Variants in LMNA observed in about 807,000 individuals in gnomAD.
LMNA encodes the protein lamin.
LMNA carries 20 observed loss-of-function variants against 70.4 expected under a neutral mutation model. The ratio of observed to expected loss-of-function variants is 0.28; its 90% confidence interval spans 0.20 to 0.41. The LOEUF is 0.41. Ranked by LOEUF, LMNA falls within the 10% of genes least tolerant of loss-of-function variation. LMNA has a pLI of 1.00. For synonymous variants in LMNA, 339 were observed against 372.8 expected, an observed-to-expected ratio of 0.91 and a Z score of 1.04; for missense variants, 652 against 917.2, an observed-to-expected ratio of 0.71 and a Z score of 3.73.
At chr1:156,092,946 T>C (rs1197627723) in intron 3 of LMNA, among the ~76,000 whole-genome samples, 1 of 150,356 alleles carries the variant, frequency 6.7e-6, no homozygotes, top group African/African-American at 2.4e-5. Context: ...TGGAGTGCAG[T>C]GGTGCGATCT....
intron 3 of LMNA, among the ~76,000 whole-genome samples, chr1:156,106,232 G>A (rs1001868680): frequency 6.6e-6 from 1 of 152,188 alleles, no homozygotes; most frequent in Non-Finnish European, 1.5e-5. Context: ...CAAACATTTG[G>A]CCCACACTGG....
intron 1 of LMNA, among the ~76,000 whole-genome samples, chr1:156,117,079 A>ATTTTTTTTTTTTT (rs150049994): frequency 8.9e-6 from 1 of 112,670 alleles, no homozygotes; most frequent in African/African-American, 3.4e-5. Context: ...ACACATGGCT[A>ATTTTTTTTTTTTT]TTTTTTTTTT....
At chr1:156,104,640 C>T (rs1649258314) in intron 3 of LMNA, among the ~76,000 whole-genome samples, 1 of 152,134 alleles carries the variant, frequency 6.6e-6, no homozygotes. Flanking sequence ...TGAGGTCCCA[C>T]CCCCTAAGCC....
rs550222642 is a variant in LMNA at position 156,090,294 on chromosome 1, A to G, written c.-318-177A>G. 4.6e-5 allele frequency among the ~76,000 whole-genome samples: 7 copies of G among 152,268 alleles called. No individual in the cohort carries two copies. The South Asian group carries it at 8.3e-4, about 18-fold the overall frequency. On this transcript the variant is annotated intron_variant, in intron 2 of 12. Coordinates refer to the LMNA transcript ENST00000368301. Reference sequence around the variant, plus strand: ...AGTTCATCAGTTACCTAATGCACTCATTTTACAGAGGAGACTGAGGCCCAG... The same window carrying G: ...AGTTCATCAGTTACCTAATGCACTCGTTTTACAGAGGAGACTGAGGCCCAG...
chr1:156,108,748 G>A (rs766772971), intron 3 of LMNA, among the ~76,000 whole-genome samples: 5 of 151,824 alleles, frequency 3.3e-5, no homozygotes, highest in African/African-American at 4.8e-5. Flanking sequence ...CCCAGGCAAC[G>A]GGCGAAACTC....
chr1:156,131,106 C>T (rs1651026590), intron 2 of LMNA, among the ~76,000 whole-genome samples: 1 of 152,028 alleles, frequency 6.6e-6, no homozygotes, highest in African/African-American at 2.4e-5. Flanking sequence ...CCCGTCTCTA[C>T]TAAAAATACA....
rs1651935991 is a variant in LMNA, at chr1:156,139,519, G to A, written c.*413G>A. 3 of 1,347,632 alleles carry A rather than the reference G, an allele frequency of 2.2e-6. No homozygotes were observed. Among genetic ancestry groups the A allele is most frequent in the Non-Finnish European group, 2.9e-6 (3 of 1,052,214 alleles). 83.5% of individuals were successfully genotyped at this position (1,347,632 alleles called of 1,614,324 possible). A position where few individuals can be genotyped will look rare whatever the true frequency, so the allele number is the denominator to read the frequency against. On this transcript the variant is annotated 3_prime_UTR_variant, in exon 12 of 12. Transcript: ENST00000368300. ...GACCCTGTGACATGGTGCCTGAGAG[G>A]CAGGCATAGAGGCTTCTCCGCCAGC...
At chr1:156,126,879 C>A (rs1045277837) in intron 1 of LMNA, 21 of 1,611,414 alleles carry the variant, frequency 1.3e-5, no homozygotes, top group East Asian at 2.2e-5. Flanking sequence ...CAGCACCCGG[C>A]CTGGGGCAGG....
intron 3 of LMNA, among the ~76,000 whole-genome samples, chr1:156,108,680 C>T (rs1295718542): frequency 3.9e-5 from 6 of 151,912 alleles, no homozygotes; most frequent in African/African-American, 1.2e-4. Flanking sequence ...GCAGGAGAAT[C>T]GCTTGAATTC....
intron 3 of LMNA, among the ~76,000 whole-genome samples, chr1:156,095,709 C>T (rs1648914503): frequency 6.6e-6 from 1 of 152,134 alleles, no homozygotes; most frequent in South Asian, 2.1e-4. Context: ...TTCCAGCTCC[C>T]CCAGGAGTCT....
In LMNA at chr1:156,137,167, A is replaced by T; in HGVS notation, c.1543A>T (p.Lys515Ter). 1 of 1,611,946 alleles carries T rather than the reference A, an allele frequency of 6.2e-7. No individual in the cohort carries two copies. The highest frequency in any genetic ancestry group is 1.1e-5 in the South Asian group (1 of 90,732). The change falls in exon 9 of 12, where the codon AAG becomes TAG. Residue 515 changes from lysine to a stop codon, truncating the protein, a stop_gained. Coordinates refer to ENST00000368300, the MANE Select transcript of LMNA (RefSeq NM_170707.4). LOFTEE classifies it high-confidence loss of function. The surrounding 1 kb of genome is among the most constrained non-coding windows in gnomAD (Gnocchi z 4.6). Reference protein sequence around the residue: ...THSPPTDLVWKAQNTWGCGNS... With the variant: ...THSPPTDLVW ...CAGCCCCCCTACCGACCTGGTGTGGAAGGCACAGAACACCTGGGGCTGCGG... is the reference window on the plus strand; with the variant it reads ...CAGCCCCCCTACCGACCTGGTGTGGTAGGCACAGAACACCTGGGGCTGCGG...
At chr1:156,120,011 C>T (rs1246252200) in intron 1 of LMNA, among the ~76,000 whole-genome samples, 1 of 152,140 alleles carries the variant, frequency 6.6e-6, no homozygotes, top group Non-Finnish European at 1.5e-5. Flanking sequence ...CTGTGCCTTC[C>T]CATGTGAAAC....
chr1:156,136,394 T>C lies in LMNA; in HGVS notation c.1338T>C (p.Asp446=), dbSNP rs505058. The C allele has an allele frequency of 0.1, 160,479 of 1,608,556 alleles. 20,126 individuals are homozygous for C. Among genetic ancestry groups the C allele is most frequent in the African/African-American group, 0.63 (47,207 of 74,820 alleles). The part of the protein sequence containing the change: ...TSGRVAVEEV[D]EEGKFVRLRN... ...GGCGCGTGGCCGTGGAGGAGGTGGA[T>C]GAGGAGGGCAAGTTTGTCCGGCTGC... The change falls in exon 7 of 12, where the codon GAT becomes GAC. Residue 446 remains aspartate (D), a synonymous_variant. Coordinates refer to ENST00000368300, the MANE Select transcript of LMNA (RefSeq NM_170707.4). This position sits in a 1 kb window ranked among gnomAD's most constrained non-coding sequence, Gnocchi z 6.1.
In LMNA at chr1:156,115,575, G is replaced by A. The variant is rs1318129460; in HGVS notation, c.356+301G>A. Among the ~76,000 whole-genome samples the A allele has an allele frequency of 2.0e-5, 3 of 152,196 alleles. No homozygotes were observed. Among genetic ancestry groups the A allele is most frequent in the Non-Finnish European group, 4.4e-5 (3 of 68,026 alleles). ...CCTGAATTCGGTCAGATTGGGATTT[G>A]CCAACTATTTGGAGCCGGGGGGAGG... is the stretch of plus-strand genomic sequence containing the variant. On this transcript the variant is annotated intron_variant, in intron 1 of 11. Coordinates refer to ENST00000368300, the MANE Select transcript of LMNA (RefSeq NM_170707.4). This position sits in a 1 kb window ranked among gnomAD's most constrained non-coding sequence, Gnocchi z 5.8.
Position 156,137,826 on chromosome 1 carries a change from G to T in LMNA, c.1698+83G>T. The T allele has an allele frequency of 1.3e-6, 2 of 1,541,796 alleles. No homozygotes were observed. The highest frequency in any genetic ancestry group is 8.7e-7 in the Non-Finnish European group (1 of 1,145,388). The stretch of plus-strand genomic sequence containing the variant: ...GGGGCAGCCTCTCCCCAGCCTCCCC[G>T]TGCCAAAAATCTTTTCATTAAAGAA... On this transcript the variant is annotated intron_variant, in intron 10 of 11. Coordinates refer to ENST00000368300, the MANE Select transcript of LMNA (RefSeq NM_170707.4). This position sits in a 1 kb window ranked among gnomAD's most constrained non-coding sequence, Gnocchi z 4.6.
Position 156,139,891 on chromosome 1 carries a change from G to A in LMNA, c.*785G>A. On this transcript the variant is annotated 3_prime_UTR_variant, in exon 12 of 12. Transcript: ENST00000368300. ...AGTCACTGGAGGTTGAAGCCAAGTG[G>A]GGTGCTGGGAGGAGGGAGAGGGAGG... 7.0e-7 allele frequency: 1 copy of A among 1,435,104 alleles called. No individual in the cohort carries two copies. Among genetic ancestry groups the A allele is most frequent in the Non-Finnish European group, 9.2e-7 (1 of 1,090,214 alleles). The allele number at this position is 1,435,104 out of a possible 1,614,324, so 88.9% of individuals were successfully genotyped here. A position where few individuals can be genotyped will look rare whatever the true frequency, so the allele number is the denominator to read the frequency against.
intron 3 of LMNA, among the ~76,000 whole-genome samples, chr1:156,094,916 C>T (rs963084933): frequency 1.1e-4 from 16 of 150,660 alleles, no homozygotes; most frequent in Non-Finnish European, 1.5e-5. Context: ...TTTGTCACCA[C>T]AACCAGCTAA....
In LMNA at chr1:156,137,796, G is replaced by A. The variant is rs1257722735; in HGVS notation, c.1698+53G>A. On this transcript the variant is annotated intron_variant, in intron 10 of 11. Transcript: ENST00000368300. The surrounding 1 kb of genome is among the most constrained non-coding windows in gnomAD (Gnocchi z 4.6). ...GCCTGCACTGGGGCCACCCAGCCAG[G>A]CCTGGGGGCAGCCTCTCCCCAGCCT... 7.8e-6 allele frequency: 12 copies of A among 1,547,308 alleles called. No homozygotes were observed. Among genetic ancestry groups the A allele is most frequent in the Non-Finnish European group, 8.7e-6 (10 of 1,146,636 alleles).
At chr1:156,122,319 C>T (rs556471558) in intron 1 of LMNA, among the ~76,000 whole-genome samples, 1 of 152,208 alleles carries the variant, frequency 6.6e-6, no homozygotes, top group African/African-American at 2.4e-5. Flanking sequence ...GGAAAGTCTC[C>T]AGAGACCTTT....
Sources: gnomAD v4.1 joint callset for allele counts (sites outside exome capture counted in the v4.1 genomes callset) on GRCh38, gnomAD v4.1.1 for gene constraint, Gnocchi (gnomAD v3.1) non-coding constraint, MANE v1.5 for transcripts, NCBI Gene and HGNC (gene_info 2026-07-23, HGNC 2026-07-21) for gene names.